UGGT1: variants seen among roughly 807,000 people sequenced by gnomAD.
The protein encoded by UGGT1 is UDP-glucose glycoprotein glucosyltransferase 1.
A neutral mutation model predicts 203.9 loss-of-function variants in UGGT1; 107 were observed. The observed-to-expected ratio is 0.52, with a 90% CI of 0.45 to 0.62. The LOEUF is 0.62. Among genes scored for constraint, UGGT1 ranks in the 20% least tolerant of loss-of-function variants. UGGT1 has a pLI of 0.00. For missense variants in UGGT1, 1,673 were observed against 1,867.2 expected (o/e 0.90, Z 1.92); for synonymous variants, 628 against 653.5 (o/e 0.96, Z 0.59).
At chr2:128,102,114 T>A (rs1687402597) in intron 2 of UGGT1, among the ~76,000 whole-genome samples, 1 of 151,948 alleles carries the variant, frequency 6.6e-6, no homozygotes, top group African/African-American at 2.4e-5. Context: ...TTAAAGCAAA[T>A]CCCAGACATC....
At chr2:128,102,722 G>A (rs1451521455) in intron 2 of UGGT1, among the ~76,000 whole-genome samples, 4 of 152,146 alleles carry the variant, frequency 2.6e-5, no homozygotes, top group African/African-American at 4.8e-5. Flanking sequence ...TTATTCGTGT[G>A]TGGCCTTTAC....
intron 17 of UGGT1, among the ~76,000 whole-genome samples, chr2:128,143,800 G>A (rs1248011963): frequency 1.3e-5 from 2 of 151,750 alleles, no homozygotes; most frequent in Non-Finnish European, 2.9e-5. Context: ...TATCCCAGAA[G>A]TCCTAACAAT....
chr2:128,125,178 A>G (rs1688550677), intron 11 of UGGT1, among the ~76,000 whole-genome samples: 1 of 151,922 alleles, frequency 6.6e-6, no homozygotes, highest in Non-Finnish European at 1.5e-5. Flanking sequence ...TCGATTCCCC[A>G]TTATGTGTGT....
In UGGT1 at chr2:128,129,102, C is replaced by T; in HGVS notation, c.1300C>T (p.Leu434=). Residue 434 remains leucine, a synonymous_variant, in exon 13 of 41, where the codon CTG becomes TTG. Coordinates refer to ENST00000259253, the MANE Select transcript of UGGT1 (RefSeq NM_020120.4). ...TAGATTGGGAATAGAAGGCCTTTCT[C>T]TGCATAATGTTTTGAAGCTGAACAT... ...LHRLGIEGLS[L]HNVLKLNIQP... The T allele has an allele frequency of 6.2e-7, 1 of 1,614,000 alleles. No homozygotes were observed. The highest frequency in any genetic ancestry group is 8.5e-7 in the Non-Finnish European group (1 of 1,179,978).
intron 9 of UGGT1, among the ~76,000 whole-genome samples, chr2:128,120,841 G>T (rs776264712): frequency 6.6e-6 from 1 of 152,082 alleles, no homozygotes; most frequent in Non-Finnish European, 1.5e-5. Flanking sequence ...TATTTTTCAA[G>T]TTTTTTTCCC....
intron 1 of UGGT1, among the ~76,000 whole-genome samples, chr2:128,095,172 G>C (rs983765798): frequency 3.9e-5 from 6 of 152,026 alleles, no homozygotes; most frequent in Non-Finnish European, 8.8e-5. Flanking sequence ...AACCAGCCAG[G>C]AATCACTGCT....
chr2:128,179,197 T>C (rs140331764), intron 34 of UGGT1, among the ~76,000 whole-genome samples: 78 of 152,332 alleles, frequency 5.1e-4, no homozygotes, highest in Non-Finnish European at 8.8e-4. Flanking sequence ...AAATGTCATT[T>C]GTCTCATTTT....
At chr2:128,182,801 CT>C (rs1353167663) in intron 37 of UGGT1, among the ~76,000 whole-genome samples, 1 of 150,966 alleles carries the variant, frequency 6.6e-6, no homozygotes, top group African/African-American at 2.4e-5. Flanking sequence ...AACTTATTGA[CT>C]GTCTATCCTT....
At chr2:128,162,314 G>A (rs1041263513) in intron 25 of UGGT1, among the ~76,000 whole-genome samples, 1 of 150,222 alleles carries the variant, frequency 6.7e-6, no homozygotes, top group Admixed American at 6.7e-5. Flanking sequence ...CTCCTATTCT[G>A]TGGAGATGTG....
chr2:128,157,216 C>T, intron 21 of UGGT1, 36 bp from the exon 22 acceptor site: 5 of 1,449,048 alleles, frequency 3.5e-6, no homozygotes, highest in Non-Finnish European at 4.9e-6. Context: ...GTGCTTCTCT[C>T]CTCTGACTCA....
intron 35 of UGGT1, among the ~76,000 whole-genome samples, chr2:128,180,412 A>G (rs758586053): frequency 7.9e-5 from 12 of 152,154 alleles, no homozygotes; most frequent in Non-Finnish European, 1.8e-4. Context: ...CTTGATAAGC[A>G]CTTTACTGCT....
chr2:128,160,195 G>A (rs898886195), intron 23 of UGGT1, among the ~76,000 whole-genome samples: 23 of 152,246 alleles, frequency 1.5e-4, no homozygotes, highest in African/African-American at 5.1e-4. Context: ...CTGGAAATTA[G>A]CAGGATTTAA....
At chr2:128,168,575 G>T (rs901499504) in intron 26 of UGGT1, among the ~76,000 whole-genome samples, 25 of 152,172 alleles carry the variant, frequency 1.6e-4, no homozygotes, top group African/African-American at 5.8e-4. Context: ...GTATTGTTCA[G>T]AGCAAACAAA....
chr2:128,139,160 C>T (rs1264747413), intron 16 of UGGT1, among the ~76,000 whole-genome samples: 3 of 152,130 alleles, frequency 2.0e-5, no homozygotes, highest in Non-Finnish European at 4.4e-5. Context: ...GTATTTTATA[C>T]TTTGTTATTT....
chr2:128,109,614 T>C lies in UGGT1; in HGVS notation c.409-20T>C, dbSNP rs1687760183. ...TTTGGTTAGAAATTTAAAAAGTATG[T>C]GTTGTGTCTTATGTGACAGATAGCA... On this transcript the variant is annotated intron_variant, in intron 4 of 40. Coordinates refer to ENST00000259253, the MANE Select transcript of UGGT1 (RefSeq NM_020120.4). The C allele has an allele frequency of 1.3e-6, 2 of 1,577,004 alleles. No individual in the cohort carries two copies. The highest frequency in any genetic ancestry group is 1.3e-5 in the African/African-American group (1 of 74,282).
chr2:128,092,605 C>CTTTTTTTTTTTTTTTTTTTTTTTTTTTTT, intron 1 of UGGT1, among the ~76,000 whole-genome samples: 1 of 126,732 alleles, frequency 7.9e-6, no homozygotes, highest in Non-Finnish European at 1.6e-5. Flanking sequence ...TTCTTTCTTT[C>CTTTTTTTTTTTTTTTTTTTTTTTTTTTTT]TTTTTTTTTT....
rs1558806970 is a variant in UGGT1, at chr2:128,161,143, TG to T, written c.2703del (p.Pro902HisfsTer21). On this transcript the variant is annotated frameshift_variant, in exon 25 of 41. Coordinates refer to ENST00000259253, the MANE Select transcript of UGGT1 (RefSeq NM_020120.4). LOFTEE classifies it high-confidence loss of function. ...TGCTCTTCTCTCCTTCACAGATCAT[TG>T]GGCCACTGGAGGATAGTGAGCTCTT... ...RAVISNGRII[G>X]PLEDSELFNQ... is the part of the protein sequence containing the mutation. 6.2e-7 allele frequency: 1 copy of T among 1,613,896 alleles called. No individual in the cohort carries two copies. Among genetic ancestry groups the T allele is most frequent in the East Asian group, 2.2e-5 (1 of 44,844 alleles).
chr2:128,143,939 T>C (rs780939103), intron 17 of UGGT1, among the ~76,000 whole-genome samples: 22 of 152,204 alleles, frequency 1.4e-4, no homozygotes, highest in Non-Finnish European at 2.9e-4. Context: ...TAAATGTCAT[T>C]GCACTTGTAA....
At chr2:128,115,790 CTTATT>C (rs1230553210) in intron 7 of UGGT1, among the ~76,000 whole-genome samples, 1 of 151,818 alleles carries the variant, frequency 6.6e-6, no homozygotes, top group Non-Finnish European at 1.5e-5. Flanking sequence ...TTCTTTTATG[CTTATT>C]TTAAAGATAA....
Sources: gnomAD v4.1 joint callset for allele counts (sites outside exome capture counted in the v4.1 genomes callset) on GRCh38, gnomAD v4.1.1 for gene constraint, MANE v1.5 for transcripts, NCBI Gene and HGNC (gene_info 2026-07-23, HGNC 2026-07-21) for gene names.